Variants in SCAF8 observed in about 807,000 individuals in gnomAD.
SCAF8 encodes the protein SR-related CTD associated factor 8.
A neutral mutation model predicts 140.5 loss-of-function variants in SCAF8; 23 were observed. The observed-to-expected ratio is 0.16, with a 90% CI of 0.12 to 0.23. SCAF8 has a LOEUF of 0.23. Among genes scored for constraint, SCAF8 ranks in the 10% least tolerant of loss-of-function variants. SCAF8 has a pLI of 1.00. For synonymous variants in SCAF8, 575 were observed against 528.9 expected (o/e 1.09, Z -1.20); for missense variants, 1,397 against 1,555.7 (o/e 0.90, Z 1.72).
At chr6:154,782,955 A>G (rs1777127346) in intron 3 of SCAF8, among the ~76,000 whole-genome samples, 1 of 152,170 alleles carries the variant, frequency 6.6e-6, no homozygotes, top group South Asian at 2.1e-4. Context: ...ATCCAAGATC[A>G]ATACTTTATG....
At chr6:154,771,747 A>G (rs1776774241) in intron 1 of SCAF8, among the ~76,000 whole-genome samples, 2 of 152,096 alleles carry the variant, frequency 1.3e-5, no homozygotes, top group Admixed American at 6.6e-5. Context: ...AGAGGGAGGG[A>G]GGAAGGGGTT....
chr6:154,790,122 T>C (rs1004542218), intron 4 of SCAF8, among the ~76,000 whole-genome samples: 1 of 152,136 alleles, frequency 6.6e-6, no homozygotes, highest in Admixed American at 6.5e-5. Context: ...TAGATTAACA[T>C]TGTAATCTCA....
At chr6:154,780,555 T>C (rs1777057357) in intron 3 of SCAF8, among the ~76,000 whole-genome samples, 1 of 151,880 alleles carries the variant, frequency 6.6e-6, no homozygotes, top group African/African-American at 2.4e-5. Context: ...CTGATGTGTT[T>C]TGTTCCCCTC....
chr6:154,769,084 AAATC>A (rs1776663921), intron 1 of SCAF8, among the ~76,000 whole-genome samples: 1 of 135,756 alleles, frequency 7.4e-6, no homozygotes, highest in African/African-American at 2.9e-5. Flanking sequence ...AAAAAAAAAA[AAATC>A]ACATATAAGT....
At chr6:154,762,442 G>A (rs1776433177) in intron 1 of SCAF8, among the ~76,000 whole-genome samples, 1 of 152,100 alleles carries the variant, frequency 6.6e-6, no homozygotes, top group African/African-American at 2.4e-5. Context: ...CTACCCTCAT[G>A]TCCTAGTAGC....
intron 1 of SCAF8, among the ~76,000 whole-genome samples, chr6:154,745,318 A>T (rs1410034944): frequency 2.0e-5 from 3 of 152,230 alleles, no homozygotes; most frequent in Non-Finnish European, 4.4e-5. Flanking sequence ...TCAGCACACC[A>T]TATCAGGAAT....
intron 1 of SCAF8, among the ~76,000 whole-genome samples, chr6:154,772,845 C>T (rs1290485552): frequency 6.6e-6 from 1 of 152,104 alleles, no homozygotes; most frequent in Non-Finnish European, 1.5e-5. Flanking sequence ...CTGCAACCTC[C>T]ACCTCTTGGG....
chr6:154,759,581 G>A (rs1323478661), intron 1 of SCAF8, among the ~76,000 whole-genome samples: 1 of 151,750 alleles, frequency 6.6e-6, no homozygotes, highest in Non-Finnish European at 1.5e-5. Context: ...ATTTGGATTC[G>A]TCACAATAAT....
rs75490496 is a variant in SCAF8, at chr6:154,813,934, G to A, written c.1421-1782G>A. Among the ~76,000 whole-genome samples the A allele has an allele frequency of 2.0e-4, 30 of 152,276 alleles. 1 individual carries two copies. In the East Asian group the frequency reaches 5.8e-3, roughly 29 times the overall value. On this transcript the variant is annotated intron_variant, in intron 12 of 19. Transcript: ENST00000367178. ...GTAAGGAAACAGATTCTCCCCTAGA[G>A]CCCTCTAGAGGGAATGCGTACCTGC...
At chr6:154,821,802 A>T (rs557981586) in intron 15 of SCAF8, among the ~76,000 whole-genome samples, 1 of 152,330 alleles carries the variant, frequency 6.6e-6, no homozygotes, top group South Asian at 2.1e-4. Flanking sequence ...TATTTGTCTT[A>T]CTTGATCTTT....
intron 17 of SCAF8, chr6:154,824,971 AAAG>A: frequency 6.6e-6 from 1 of 152,108 alleles, no homozygotes; most frequent in East Asian, 1.9e-4. Flanking sequence ...GAAAAAAAAA[AAAG>A]AATTATTACT....
chr6:154,758,745 G>A (rs976342337), intron 1 of SCAF8, among the ~76,000 whole-genome samples: 1 of 152,036 alleles, frequency 6.6e-6, no homozygotes, highest in Admixed American at 6.6e-5. Context: ...TTCCTCTTCC[G>A]TTAGCCACAG....
intron 1 of SCAF8, among the ~76,000 whole-genome samples, chr6:154,767,529 C>CTTTTTTTTTTT (rs71021076): frequency 1.1e-5 from 1 of 91,036 alleles, no homozygotes; most frequent in African/African-American, 4.1e-5. Flanking sequence ...CTTCTGTTAT[C>CTTTTTTTTTTT]TTTTTTTTTT....
intron 3 of SCAF8, among the ~76,000 whole-genome samples, chr6:154,782,540 A>T (rs1012818095): frequency 6.6e-6 from 1 of 152,206 alleles, no homozygotes; most frequent in East Asian, 1.9e-4. Flanking sequence ...ATCCTGTGTC[A>T]GGGTTCTCTA....
intron 4 of SCAF8, 117 bp from the exon 5 acceptor site, chr6:154,792,706 A>T (rs529389992): frequency 4.8e-6 from 3 of 629,066 alleles, no homozygotes; most frequent in Non-Finnish European, 7.7e-6. Flanking sequence ...GCTAGAAAGT[A>T]CCATTGAAGT....
rs1562416118 is a variant in SCAF8 at position 154,733,633 on chromosome 6, C to T, written c.-268C>T. 4 of 1,290,470 alleles carry T rather than the reference C, an allele frequency of 3.1e-6. No individual in the cohort carries two copies. The highest frequency in any genetic ancestry group is 3.9e-6 in the Non-Finnish European group (4 of 1,022,826). The allele number at this position is 1,290,470 out of a possible 1,614,324, so 79.9% of individuals were successfully genotyped here. On this transcript the variant is annotated 5_prime_UTR_variant, in exon 1 of 20. Transcript: ENST00000367178. ...GCGCCGCGGCCCAGCCCCTCCCCCG[C>T]CCGCCGCCGACCCGCCCCGGCAGCG...
chr6:154,801,571 A>G (rs902881272), intron 6 of SCAF8, among the ~76,000 whole-genome samples: 4 of 151,448 alleles, frequency 2.6e-5, no homozygotes, highest in African/African-American at 9.7e-5. Context: ...ATGACTCTCC[A>G]ACTTTCAGGA....
chr6:154,826,509 T>TCA (rs1229202275), intron 17 of SCAF8, among the ~76,000 whole-genome samples: 6 of 152,202 alleles, frequency 3.9e-5, no homozygotes, highest in Non-Finnish European at 5.9e-5. Context: ...ATTATTTTAG[T>TCA]CACTATTTTC....
rs935931706 is a variant in SCAF8, at chr6:154,800,620, C to A, written c.607-1351C>A. Among the ~76,000 whole-genome samples the A allele has an allele frequency of 2.4e-4, 36 of 151,008 alleles. 1 individual carries two copies. Among genetic ancestry groups the A allele is most frequent in the African/African-American group, 8.7e-4 (36 of 41,170 alleles). On this transcript the variant is annotated intron_variant, in intron 6 of 19. Coordinates refer to ENST00000367178, the MANE Select transcript of SCAF8 (RefSeq NM_014892.5). The stretch of plus-strand genomic sequence containing the variant: ...AGAAGTCTAGAGACAGAATATCTTT[C>A]TTTTGGTAGTAGTGGTTTTGGAAAG...
Sources: gnomAD v4.1 joint callset for allele counts (sites outside exome capture counted in the v4.1 genomes callset) on GRCh38, gnomAD v4.1.1 for gene constraint, MANE v1.5 for transcripts, NCBI Gene and HGNC (gene_info 2026-07-23, HGNC 2026-07-21) for gene names.